NAALADL2: variants seen among roughly 807,000 people sequenced by gnomAD.
NAALADL2 encodes inactive N-acetylated-alpha-linked acidic dipeptidase-like protein 2.
A neutral mutation model predicts 87.2 loss-of-function variants in NAALADL2; 76 were observed. The ratio of observed to expected loss-of-function variants is 0.87; its 90% CI spans 0.72 to 1.05. The LOEUF (loss-of-function observed/expected upper bound fraction) is 1.05, where lower values mean the gene tolerates loss of function less well. NAALADL2 is among the 50% of genes least tolerant of loss of function. NAALADL2 has a pLI of 0.00. For synonymous variants in NAALADL2, 354 were observed against 331.0 expected (o/e 1.07, Z -0.75); for missense variants, 1,089 against 945.8 (o/e 1.15, Z -1.99).
chr3:174,984,653 T>C (rs1355356286), intron 1 of NAALADL2, among the ~76,000 whole-genome samples: 1 of 152,196 alleles, frequency 6.6e-6, no homozygotes, highest in Non-Finnish European at 1.5e-5. Context: ...CAATTTTTTT[T>C]TCATGTAATA....
intron 4 of NAALADL2, among the ~76,000 whole-genome samples, chr3:175,306,376 A>C (rs911999530): frequency 2.0e-5 from 3 of 152,190 alleles, no homozygotes; most frequent in African/African-American, 7.2e-5. Context: ...CTTAGATAAA[A>C]CTACTACCGA....
At chr3:175,199,853 TATATATATA>T (rs1739682703) in intron 2 of NAALADL2, among the ~76,000 whole-genome samples, 7 of 22,230 alleles carry the variant, frequency 3.1e-4, no homozygotes, top group Non-Finnish European at 4.8e-4. Context: ...TATATATATA[TATATATATA>T]TATTTTTTTT....
chr3:174,947,060 G>T (rs527243293), intron 1 of NAALADL2, among the ~76,000 whole-genome samples: 3 of 152,160 alleles, frequency 2.0e-5, no homozygotes, highest in South Asian at 4.1e-4. Flanking sequence ...TAAAATCCTT[G>T]ATATATAACT....
chr3:175,393,803 CA>C (rs1382536097), intron 5 of NAALADL2, among the ~76,000 whole-genome samples: 1 of 152,116 alleles, frequency 6.6e-6, no homozygotes. Flanking sequence ...CGCTCTTGTC[CA>C]ACACACTATC....
At chr3:175,489,490 G>A (rs1192013516) in intron 9 of NAALADL2, among the ~76,000 whole-genome samples, 1 of 152,164 alleles carries the variant, frequency 6.6e-6, no homozygotes, top group Non-Finnish European at 1.5e-5. Context: ...ATTCAAAAGA[G>A]AAAGACCTAA....
intron 1 of NAALADL2, among the ~76,000 whole-genome samples, chr3:175,002,733 C>G (rs957727585): frequency 1.3e-5 from 2 of 152,172 alleles, no homozygotes; most frequent in African/African-American, 4.8e-5. Flanking sequence ...TGATGAAAAT[C>G]TGATGCAAGA....
chr3:175,051,526 C>G (rs973667178), intron 1 of NAALADL2, among the ~76,000 whole-genome samples: 2 of 152,170 alleles, frequency 1.3e-5, no homozygotes, highest in African/African-American at 2.4e-5. Context: ...TGTTCCATAG[C>G]TTCTGCACTG....
chr3:175,181,733 A>ATGTATATAGATG (rs1553802512), intron 2 of NAALADL2, among the ~76,000 whole-genome samples: 1 of 34,460 alleles, frequency 2.9e-5, no homozygotes, highest in Non-Finnish European at 6.5e-5. Context: ...ATATGTATAT[A>ATGTATATAGATG]TGTGTATATA....
chr3:174,849,507 C>T (rs565426755), intron 3 of NAALADL2, among the ~76,000 whole-genome samples: 48 of 151,810 alleles, frequency 3.2e-4, no homozygotes, highest in Non-Finnish European at 6.3e-4. Context: ...GGGGCCGAGG[C>T]GGGCAGATCA....
At chr3:174,501,107 C>T (rs1441095427) in intron 1 of NAALADL2, among the ~76,000 whole-genome samples, 7 of 125,314 alleles carry the variant, frequency 5.6e-5, no homozygotes, top group Admixed American at 1.8e-4. Context: ...GAGACGGAGT[C>T]TCGCTCTGTC....
intron 11 of NAALADL2, among the ~76,000 whole-genome samples, chr3:175,694,303 A>G (rs1218312891): frequency 6.6e-6 from 1 of 152,194 alleles, no homozygotes; most frequent in Non-Finnish European, 1.5e-5. Flanking sequence ...CCTCTTGCAG[A>G]GTTTACCTAA....
upstream of NAALADL2, among the ~76,000 whole-genome samples, chr3:174,856,128 T>C (rs1323640892): frequency 1.3e-5 from 2 of 151,878 alleles, no homozygotes; most frequent in African/African-American, 2.4e-5. Flanking sequence ...CATCTCAGTC[T>C]CTTGAGTAGG....
At chr3:175,464,453 G>T (rs1449100863) in intron 7 of NAALADL2, among the ~76,000 whole-genome samples, 3 of 151,474 alleles carry the variant, frequency 2.0e-5, no homozygotes, top group Admixed American at 2.0e-4. Context: ...GAAATCTTCA[G>T]ATATTATGTA....
chr3:175,241,880 T>G (rs2109616141), intron 3 of NAALADL2, among the ~76,000 whole-genome samples: 1 of 148,362 alleles, frequency 6.7e-6, no homozygotes, highest in Non-Finnish European at 1.5e-5. Flanking sequence ...TTTTTTTTCT[T>G]GAGACAGAGT....
At chr3:174,751,157 C>T (rs746453332) in intron 3 of NAALADL2, among the ~76,000 whole-genome samples, 23 of 151,936 alleles carry the variant, frequency 1.5e-4, no homozygotes, top group African/African-American at 4.6e-4. Context: ...GTTGGTAATG[C>T]GTCTAGTGTT....
At chr3:175,690,465 T>C (rs374144923) in intron 11 of NAALADL2, among the ~76,000 whole-genome samples, 1 of 152,182 alleles carries the variant, frequency 6.6e-6, no homozygotes, top group East Asian at 1.9e-4. Context: ...ACTCCAAATT[T>C]TATTGTTTCT....
chr3:174,860,423 C>A (rs1396555068), intron 1 of NAALADL2, among the ~76,000 whole-genome samples: 1 of 151,750 alleles, frequency 6.6e-6, no homozygotes, highest in Admixed American at 6.6e-5. Context: ...GTAATAAATT[C>A]TATTGAAGAA....
chr3:174,883,192 G>A (rs1346435577), intron 1 of NAALADL2, among the ~76,000 whole-genome samples: 1 of 151,914 alleles, frequency 6.6e-6, no homozygotes, highest in Non-Finnish European at 1.5e-5. Context: ...CAGATTAAGG[G>A]GGGGTCTGCC....
At chr3:175,295,718 A>ACACACACAC (rs1553851707) in intron 4 of NAALADL2, among the ~76,000 whole-genome samples, 2,457 of 143,744 alleles carry the variant, frequency 0.017, 29 homozygotes, top group East Asian at 0.036. Flanking sequence ...CATGCACACA[A>ACACACACAC]ACACACACAC....
Sources: gnomAD v4.1 joint callset for allele counts (sites outside exome capture counted in the v4.1 genomes callset) on GRCh38, gnomAD v4.1.1 for gene constraint, MANE v1.5 for transcripts, NCBI Gene and HGNC (gene_info 2026-07-23, HGNC 2026-07-21) for gene names.